The following SHB variants were observed in gnomAD, a reference collection of about 807,000 sequenced individuals.
The protein encoded by SHB is SH2 domain-containing adapter protein B.
SHB carries 20 observed loss-of-function variants against 52.3 expected under a neutral mutation model. The observed-to-expected ratio is 0.38, with a 90% CI of 0.27 to 0.56. The LOEUF is 0.56. Among genes scored for constraint, SHB ranks in the 20% least tolerant of loss-of-function variants. SHB has a pLI of 0.71. For synonymous variants in SHB, 397 were observed against 316.5 expected, an observed-to-expected ratio of 1.25 and a Z score of -2.70; for missense variants, 825 against 723.3, an observed-to-expected ratio of 1.14 and a Z score of -1.61.
chr9:37,995,026 T>C (rs1354595207), intron 2 of SHB, among the ~76,000 whole-genome samples: 2 of 152,150 alleles, frequency 1.3e-5, no homozygotes, highest in Admixed American at 1.3e-4. Flanking sequence ...AAGTATATCA[T>C]CTGCTTGCAT....
chr9:37,934,143 T>A (rs776023), intron 5 of SHB, among the ~76,000 whole-genome samples: 3 of 151,958 alleles, frequency 2.0e-5, no homozygotes, highest in African/African-American at 4.8e-5. Flanking sequence ...TGAGCTTCGG[T>A]TGAACTCCTT....
At chr9:37,937,668 C>T (rs547323572) in intron 5 of SHB, among the ~76,000 whole-genome samples, 3 of 152,314 alleles carry the variant, frequency 2.0e-5, no homozygotes, top group South Asian at 4.1e-4. Flanking sequence ...ATTTTATAGC[C>T]CTAGCATTTG....
intron 4 of SHB, among the ~76,000 whole-genome samples, chr9:37,951,434 G>A (rs565859226): frequency 9.0e-4 from 137 of 152,368 alleles, no homozygotes; most frequent in African/African-American, 3.2e-3. Flanking sequence ...GTAATCAGGA[G>A]AAACAAAGAC....
chr9:38,057,301 G>A (rs1488237540), intron 1 of SHB, among the ~76,000 whole-genome samples: 3 of 151,940 alleles, frequency 2.0e-5, no homozygotes, highest in Non-Finnish European at 4.4e-5. Flanking sequence ...TTTGTGGCGA[G>A]AAAAATAAAC....
chr9:38,019,997 C>T (rs913490697), intron 1 of SHB, among the ~76,000 whole-genome samples: 5 of 152,224 alleles, frequency 3.3e-5, no homozygotes, highest in African/African-American at 1.2e-4. Context: ...ACTACAACAT[C>T]ATACCTACTT....
intron 2 of SHB, among the ~76,000 whole-genome samples, chr9:37,984,375 C>A (rs777185784): frequency 1.1e-4 from 17 of 152,186 alleles, no homozygotes; most frequent in Non-Finnish European, 1.8e-4. Context: ...TAATCTGACA[C>A]CCCCACATAG....
At chr9:37,979,169 A>G (rs1820691530) in intron 2 of SHB, among the ~76,000 whole-genome samples, 1 of 152,004 alleles carries the variant, frequency 6.6e-6, no homozygotes, top group African/African-American at 2.4e-5. Context: ...TTTAAGTCAC[A>G]AGTTATCTGA....
intron 1 of SHB, among the ~76,000 whole-genome samples, chr9:38,023,351 C>T (rs1052598201): frequency 6.6e-6 from 1 of 152,130 alleles, no homozygotes; most frequent in Non-Finnish European, 1.5e-5. Flanking sequence ...TTCACATAAA[C>T]GTTGTAAGGA....
chr9:37,961,425 C>T (rs1167152947), intron 3 of SHB, among the ~76,000 whole-genome samples: 5 of 152,104 alleles, frequency 3.3e-5, no homozygotes, highest in Admixed American at 2.6e-4. Flanking sequence ...AGCCGATGGA[C>T]CTCTAAAGCA....
At chr9:38,061,898 G>A (rs1352123798) in intron 1 of SHB, among the ~76,000 whole-genome samples, 1 of 152,226 alleles carries the variant, frequency 6.6e-6, no homozygotes, top group Non-Finnish European at 1.5e-5. Flanking sequence ...TTGTGCAGCT[G>A]TCCCTTGGGA....
At chr9:37,925,125 C>CATCT (rs1470548544) in intron 5 of SHB, among the ~76,000 whole-genome samples, 1 of 152,264 alleles carries the variant, frequency 6.6e-6, no homozygotes, top group East Asian at 1.9e-4. Context: ...CCCATCCACC[C>CATCT]ATCTATCCAT....
At chr9:37,934,691 C>T (rs1257601248) in intron 5 of SHB, among the ~76,000 whole-genome samples, 1 of 152,218 alleles carries the variant, frequency 6.6e-6, no homozygotes, top group African/African-American at 2.4e-5. Flanking sequence ...ACTGTCAGCT[C>T]TTTGTGGTCA....
At chr9:38,064,950 T>C (rs1286793181) in intron 1 of SHB, among the ~76,000 whole-genome samples, 1 of 151,994 alleles carries the variant, frequency 6.6e-6, no homozygotes, top group East Asian at 1.9e-4. Flanking sequence ...CAGAGAGACC[T>C]CCTCTCTACA....
At chr9:38,047,978 TC>T (rs1441650216) in intron 1 of SHB, among the ~76,000 whole-genome samples, 1 of 152,180 alleles carries the variant, frequency 6.6e-6, no homozygotes, top group East Asian at 1.9e-4. Context: ...TGTCACCACT[TC>T]CTGTGATCCT....
intron 1 of SHB, among the ~76,000 whole-genome samples, chr9:38,044,093 A>AGGCC (rs1212637800): frequency 2.0e-5 from 3 of 152,150 alleles, no homozygotes; most frequent in Non-Finnish European, 4.4e-5. Context: ...TACAGGGAGG[A>AGGCC]GGCCGGTGGC....
chr9:38,006,300 A>T (rs1821075061), intron 2 of SHB, among the ~76,000 whole-genome samples: 2 of 152,268 alleles, frequency 1.3e-5, no homozygotes, highest in Middle Eastern at 3.4e-3. Flanking sequence ...GCAAGATTCC[A>T]TCCCACACTC....
intron 2 of SHB, among the ~76,000 whole-genome samples, chr9:37,987,566 C>G (rs1820826373): frequency 6.6e-6 from 1 of 152,236 alleles, no homozygotes; most frequent in African/African-American, 2.4e-5. Flanking sequence ...CCGGATCCCA[C>G]AAGGTTGAGT....
At chr9:38,067,707 G>A (rs1020292867) in intron 1 of SHB, among the ~76,000 whole-genome samples, 3 of 152,234 alleles carry the variant, frequency 2.0e-5, no homozygotes, top group Non-Finnish European at 4.4e-5. Context: ...CGCTCAGAGG[G>A]GACGTTCTGG....
chr9:38,014,932 A>C (rs1001338683), intron 2 of SHB, among the ~76,000 whole-genome samples: 1 of 152,250 alleles, frequency 6.6e-6, no homozygotes. Flanking sequence ...TAATTCAAGA[A>C]GGAATCAGGA....
Sources: gnomAD v4.1 joint callset for allele counts (sites outside exome capture counted in the v4.1 genomes callset) on GRCh38, gnomAD v4.1.1 for gene constraint, MANE v1.5 for transcripts, NCBI Gene and HGNC (gene_info 2026-07-23, HGNC 2026-07-21) for gene names.